OPCML: variants seen among roughly 807,000 people sequenced by gnomAD.
OPCML encodes opioid binding protein/cell adhesion molecule like.
A neutral mutation model predicts 37.8 loss-of-function variants in OPCML; 13 were observed. The observed-to-expected ratio is 0.34, with a 90% CI of 0.22 to 0.55. The LOEUF (loss-of-function observed/expected upper bound fraction) is 0.55, where lower values mean the gene tolerates loss of function less well. OPCML is among the 20% of genes least tolerant of loss of function. The probability of loss-of-function intolerance (pLI) is 0.91; values close to 1 mark genes in which losing one functional copy is unlikely to be tolerated. For missense variants in OPCML, 341 were observed against 435.6 expected, an observed-to-expected ratio of 0.78 and a Z score of 1.93; for synonymous variants, 176 against 168.8, an observed-to-expected ratio of 1.04 and a Z score of -0.33.
chr11:133,413,721 C>T (rs539788579), intron 1 of OPCML, among the ~76,000 whole-genome samples: 4 of 152,182 alleles, frequency 2.6e-5, no homozygotes, highest in Non-Finnish European at 5.9e-5. Flanking sequence ...GGGTCTTATC[C>T]AGGATGAAAG....
chr11:132,875,714 C>T (rs113403761), intron 2 of OPCML, among the ~76,000 whole-genome samples: 19 of 152,100 alleles, frequency 1.2e-4, no homozygotes, highest in African/African-American at 3.6e-4. Context: ...CCACCCGCCT[C>T]GGCCTCCCAA....
chr11:132,847,912 G>A (rs768654289), intron 2 of OPCML, among the ~76,000 whole-genome samples: 4 of 152,198 alleles, frequency 2.6e-5, no homozygotes, highest in Non-Finnish European at 5.9e-5. Context: ...TCAGTCAAGA[G>A]AGTTCTGTAG....
chr11:133,097,630 A>G (rs556300016), intron 1 of OPCML, among the ~76,000 whole-genome samples: 2 of 152,302 alleles, frequency 1.3e-5, no homozygotes, highest in South Asian at 4.1e-4. Context: ...AGCCAGAATA[A>G]TTAAGAAAAA....
intron 1 of OPCML, among the ~76,000 whole-genome samples, chr11:133,131,803 T>G (rs1292335233): frequency 6.6e-6 from 1 of 152,218 alleles, no homozygotes; most frequent in African/African-American, 2.4e-5. Context: ...TTGTATGTTC[T>G]TTTTGTCTTT....
At position 133,177,537 on chromosome 11, in the gene OPCML, CT is replaced by C. The variant is rs1179760150; in HGVS notation, c.62-234528del. Among the ~76,000 whole-genome samples the C allele has an allele frequency of 7.9e-5, 12 of 152,302 alleles. No homozygotes were observed. Among genetic ancestry groups the C allele is most frequent in the Middle Eastern group, 3.4e-3 (1 of 294 alleles). On this transcript the variant is annotated intron_variant, in intron 1 of 7. Coordinates refer to ENST00000524381, the MANE Select transcript of OPCML (RefSeq NM_001012393.5). The surrounding 1 kb of genome is among the most constrained non-coding windows in gnomAD (Gnocchi z 5.0). ...CAGGAAAGACTGCACCAGACCCTAG[CT>C]TTCCCAGGGAAAGGAACTCTAGAAT...
chr11:133,042,390 T>C (rs1947919518), intron 1 of OPCML, among the ~76,000 whole-genome samples: 1 of 152,340 alleles, frequency 6.6e-6, no homozygotes, highest in South Asian at 2.1e-4. Flanking sequence ...GACAGATGCA[T>C]TCTCAGTCTT....
At chr11:132,555,551 G>A (rs149789531) in intron 3 of OPCML, among the ~76,000 whole-genome samples, 1 of 152,096 alleles carries the variant, frequency 6.6e-6, no homozygotes, top group Non-Finnish European at 1.5e-5. Context: ...TTTGGGTGGG[G>A]TCATAGCCAA....
intron 1 of OPCML, among the ~76,000 whole-genome samples, chr11:133,142,771 T>C (rs1949842290): frequency 6.6e-6 from 1 of 151,986 alleles, no homozygotes; most frequent in South Asian, 2.1e-4. Flanking sequence ...AGATGGCTGT[T>C]GTATGATGGG....
chr11:132,419,812 G>A lies in OPCML; in HGVS notation c.*381C>T. 5.1e-6 allele frequency: 1 copy of A among 197,286 alleles called. No individual in the cohort carries two copies. The highest frequency in any genetic ancestry group is 1.4e-4 in the East Asian group (1 of 7,064). 12.2% of individuals were successfully genotyped at this position (197,286 alleles called of 1,614,324 possible). ...GTTATAAGTCAAGTTGTGTCTTCAG[G>A]GTGTTTATTGTGAGGCTCAATTTTT... On this transcript the variant is annotated 3_prime_UTR_variant, in exon 8 of 8. Transcript: ENST00000524381.
intron 2 of OPCML, among the ~76,000 whole-genome samples, chr11:132,881,201 G>C (rs959822284): frequency 2.6e-5 from 4 of 152,166 alleles, no homozygotes; most frequent in Non-Finnish European, 5.9e-5. Context: ...CAACTACAAA[G>C]AAAATTTCCT....
At chr11:133,453,941 T>A (rs1042999390) in intron 1 of OPCML, among the ~76,000 whole-genome samples, 22 of 152,140 alleles carry the variant, frequency 1.4e-4, no homozygotes, top group Admixed American at 1.2e-3. Context: ...AGGAAATGCA[T>A]CCCCACAGAA....
chr11:133,047,089 C>G (rs1477195950), intron 1 of OPCML, among the ~76,000 whole-genome samples: 1 of 152,194 alleles, frequency 6.6e-6, no homozygotes, highest in African/African-American at 2.4e-5. Flanking sequence ...GTGATCATAT[C>G]TTGCATTTCC....
At chr11:132,901,878 T>G (rs565119704) in intron 2 of OPCML, among the ~76,000 whole-genome samples, 1 of 152,310 alleles carries the variant, frequency 6.6e-6, no homozygotes, top group African/African-American at 2.4e-5. Flanking sequence ...GTAAACTGAA[T>G]TGTACTTGGA....
intron 1 of OPCML, among the ~76,000 whole-genome samples, chr11:133,338,511 C>T (rs570241136): frequency 9.5e-4 from 144 of 152,292 alleles, no homozygotes; most frequent in African/African-American, 3.2e-3. Context: ...ATAAAGAGGG[C>T]CAACAGCGAA....
At chr11:132,420,686 C>T (rs961627472) in intron 7 of OPCML, among the ~76,000 whole-genome samples, 1 of 152,054 alleles carries the variant, frequency 6.6e-6, no homozygotes, top group Non-Finnish European at 1.5e-5. Context: ...GGGCACAAGG[C>T]CAGAGAGGCA....
At position 133,457,997 on chromosome 11, in the gene OPCML, T is replaced by G. The variant is rs185316323; in HGVS notation, c.61+74267A>C. Among the ~76,000 whole-genome samples, 10 of 151,852 alleles carry G rather than the reference T, an allele frequency of 6.6e-5. No individual in the cohort carries two copies. The East Asian group carries it at 1.8e-3, about 27-fold the overall frequency. On this transcript the variant is annotated intron_variant, in intron 1 of 7. Coordinates refer to ENST00000524381, the MANE Select transcript of OPCML (RefSeq NM_001012393.5). Reference sequence around the variant, plus strand: ...CTGTCTCTACTAAAAGTACAAAAAATTAGCTGGGCATGGTGACATGCACCT... The same window carrying G: ...CTGTCTCTACTAAAAGTACAAAAAAGTAGCTGGGCATGGTGACATGCACCT...
At chr11:132,823,851 G>A (rs1180248667) in intron 2 of OPCML, among the ~76,000 whole-genome samples, 1 of 152,094 alleles carries the variant, frequency 6.6e-6, no homozygotes, top group East Asian at 1.9e-4. Flanking sequence ...CATGATCGCA[G>A]CATTTACACG....
chr11:132,761,683 T>G (rs1452270461), intron 2 of OPCML, among the ~76,000 whole-genome samples: 1 of 152,148 alleles, frequency 6.6e-6, no homozygotes, highest in Non-Finnish European at 1.5e-5. Context: ...TTCTCTTAAC[T>G]GGTTATTCTA....
At chr11:133,430,052 G>A (rs1337575872) in intron 1 of OPCML, among the ~76,000 whole-genome samples, 2 of 152,168 alleles carry the variant, frequency 1.3e-5, no homozygotes, top group Non-Finnish European at 2.9e-5. Flanking sequence ...TTATGCAGAG[G>A]AGAGGAGAGA....
Sources: gnomAD v4.1 joint callset for allele counts (sites outside exome capture counted in the v4.1 genomes callset) on GRCh38, gnomAD v4.1.1 for gene constraint, Gnocchi (gnomAD v3.1) non-coding constraint, MANE v1.5 for transcripts, NCBI Gene and HGNC (gene_info 2026-07-23, HGNC 2026-07-21) for gene names.